The following OSBPL8 variants were observed in gnomAD, a reference collection of about 807,000 sequenced individuals.
OSBPL8 encodes oxysterol-binding protein-related protein 8.
In OSBPL8, 59 loss-of-function variants were observed where a neutral mutation model predicts 125.5. The ratio of observed to expected loss-of-function variants is 0.47; its 90% CI spans 0.38 to 0.58. The LOEUF (loss-of-function observed/expected upper bound fraction) is 0.58. Ranked by LOEUF, OSBPL8 falls within the 20% of genes least tolerant of loss-of-function variation. The pLI, the probability that OSBPL8 is intolerant of heterozygous loss-of-function variation, is 0.00. For missense variants in OSBPL8, 758 were observed against 1,047.8 expected, an observed-to-expected ratio of 0.72 and a Z score of 3.82; for synonymous variants, 330 against 338.9, an observed-to-expected ratio of 0.97 and a Z score of 0.29.
At chr12:76,541,067 C>G (rs906734277) in intron 1 of OSBPL8, among the ~76,000 whole-genome samples, 4 of 152,302 alleles carry the variant, frequency 2.6e-5, no homozygotes, top group Admixed American at 6.5e-5. Flanking sequence ...ATCCCTAGTG[C>G]CCCAGCTTCT....
chr12:76,435,643 A>G (rs1439312510), intron 4 of OSBPL8, among the ~76,000 whole-genome samples: 1 of 152,134 alleles, frequency 6.6e-6, no homozygotes, highest in Non-Finnish European at 1.5e-5. Context: ...CAAGAAATAT[A>G]TATTATTGAT....
intron 21 of OSBPL8, among the ~76,000 whole-genome samples, chr12:76,361,650 A>G (rs1952211639): frequency 6.6e-6 from 1 of 152,168 alleles, no homozygotes; most frequent in Non-Finnish European, 1.5e-5. Context: ...ATGACTTGGG[A>G]GGTCTATAAT....
intron 1 of OSBPL8, among the ~76,000 whole-genome samples, chr12:76,535,810 T>C (rs746307668): frequency 1.3e-5 from 2 of 152,170 alleles, no homozygotes; most frequent in African/African-American, 2.4e-5. Context: ...ATATGAAATC[T>C]TAGAACAGAC....
At chr12:76,440,802 T>C (rs1331831460) in intron 4 of OSBPL8, among the ~76,000 whole-genome samples, 8 of 152,148 alleles carry the variant, frequency 5.3e-5, no homozygotes, top group African/African-American at 1.9e-4. Context: ...AGTCTTTTAC[T>C]CCTTTCTCTT....
intron 1 of OSBPL8, among the ~76,000 whole-genome samples, chr12:76,541,978 C>A (rs1950657807): frequency 6.6e-6 from 1 of 152,172 alleles, no homozygotes; most frequent in Non-Finnish European, 1.5e-5. Flanking sequence ...TCGAGACCCA[C>A]CTGGCCAACC....
At chr12:76,374,085 G>T (rs1275285488) in intron 17 of OSBPL8, among the ~76,000 whole-genome samples, 1 of 151,978 alleles carries the variant, frequency 6.6e-6, no homozygotes, top group Non-Finnish European at 1.5e-5. Flanking sequence ...TAAAATAAAA[G>T]ACATTGCATC....
chr12:76,451,624 TA>T (rs1269138941), intron 3 of OSBPL8, among the ~76,000 whole-genome samples: 1 of 152,164 alleles, frequency 6.6e-6, no homozygotes, highest in Non-Finnish European at 1.5e-5. Flanking sequence ...GCTGCCCCAA[TA>T]AACAATTTAA....
rs759424425 is a variant in OSBPL8 at position 76,394,660 on chromosome 12, T to C, written c.742A>G (p.Thr248Ala). 8.7e-6 allele frequency: 14 copies of C among 1,611,760 alleles called. No homozygotes were observed. In the Admixed American group the frequency reaches 2.4e-4, roughly 27 times the overall value. The stretch of plus-strand genomic sequence containing the variant: ...CTATACTTACCATCTGACTCTGAAG[T>C]AGCTCGGATGATCAAATAACTGCTA... ...LPSSYLIIRATSESDGRCWMD... is the reference protein window; with the variant it reads ...LPSSYLIIRAASESDGRCWMD... Residue 248 changes from threonine (T) to alanine (A), a missense_variant, in exon 9 of 24, where the codon ACT becomes GCT. Coordinates refer to ENST00000261183, the MANE Select transcript of OSBPL8 (RefSeq NM_020841.5).
chr12:76,404,993 C>G (rs766879957), intron 5 of OSBPL8, among the ~76,000 whole-genome samples: 7 of 152,156 alleles, frequency 4.6e-5, no homozygotes, highest in Non-Finnish European at 8.8e-5. Context: ...GACACTAAAA[C>G]TAACAGATTA....
chr12:76,542,425 T>C lies in OSBPL8; in HGVS notation c.-68+16972A>G, dbSNP rs146266740. 3.3e-3 allele frequency among the ~76,000 whole-genome samples: 509 copies of C among 152,292 alleles called. 3 individuals are homozygous for C. The highest frequency in any genetic ancestry group is 0.012 in the African/African-American group (492 of 41,556). ...AACTTTCTCTTGCATTCAAAAACCA[T>C]ATATCTAATGACCTAGAGCAGAGTT... is the stretch of plus-strand genomic sequence containing the variant. On this transcript the variant is annotated intron_variant, in intron 1 of 23. Transcript: ENST00000261183.
At chr12:76,362,272 T>A (rs578174400) in intron 21 of OSBPL8, among the ~76,000 whole-genome samples, 57 of 149,614 alleles carry the variant, frequency 3.8e-4, no homozygotes, top group African/African-American at 1.4e-3. Context: ...TGAACATCGA[T>A]GCAAAAATCC....
chr12:76,513,313 G>A (rs1881193761), intron 1 of OSBPL8, among the ~76,000 whole-genome samples: 1 of 152,134 alleles, frequency 6.6e-6, no homozygotes, highest in Admixed American at 6.5e-5. Flanking sequence ...ATTTTGGTTC[G>A]TTTGCATTTG....
intron 4 of OSBPL8, among the ~76,000 whole-genome samples, chr12:76,440,412 T>C (rs1872045685): frequency 6.6e-6 from 1 of 152,320 alleles, no homozygotes; most frequent in African/African-American, 2.4e-5. Flanking sequence ...TTTTATTGAT[T>C]TTAAATTATG....
chr12:76,530,493 T>C (rs991512783), intron 1 of OSBPL8, among the ~76,000 whole-genome samples: 1 of 152,168 alleles, frequency 6.6e-6, no homozygotes, highest in East Asian at 1.9e-4. Flanking sequence ...TAGCTACAAA[T>C]AGCAAAATAG....
intron 1 of OSBPL8, among the ~76,000 whole-genome samples, chr12:76,495,295 C>T (rs1403596670): frequency 1.3e-5 from 2 of 152,116 alleles, no homozygotes; most frequent in African/African-American, 4.8e-5. Flanking sequence ...ACAAATTCAG[C>T]AACATTAGGA....
At chr12:76,416,072 G>T (rs185675575) in intron 4 of OSBPL8, among the ~76,000 whole-genome samples, 7 of 151,788 alleles carry the variant, frequency 4.6e-5, no homozygotes, top group Non-Finnish European at 2.9e-5. Flanking sequence ...TCTTAATCAC[G>T]ATTTTAAAGC....
chr12:76,544,382 G>A (rs1426523568), intron 1 of OSBPL8, among the ~76,000 whole-genome samples: 1 of 152,116 alleles, frequency 6.6e-6, no homozygotes, highest in Non-Finnish European at 1.5e-5. Flanking sequence ...TGTCACCACA[G>A]AATGTAGGTT....
At chr12:76,377,403 T>G (rs1952869296) in intron 16 of OSBPL8, among the ~76,000 whole-genome samples, 1 of 152,116 alleles carries the variant, frequency 6.6e-6, no homozygotes, top group Admixed American at 6.5e-5. Flanking sequence ...CAGTGTAAAA[T>G]TGTTCCTATT....
At chr12:76,480,767 T>C (rs1877386360) in intron 2 of OSBPL8, among the ~76,000 whole-genome samples, 1 of 152,148 alleles carries the variant, frequency 6.6e-6, no homozygotes, top group Non-Finnish European at 1.5e-5. Context: ...TCCAATAGGT[T>C]AGGTTACTCC....
Sources: gnomAD v4.1 joint callset for allele counts (sites outside exome capture counted in the v4.1 genomes callset) on GRCh38, gnomAD v4.1.1 for gene constraint, MANE v1.5 for transcripts, NCBI Gene and HGNC (gene_info 2026-07-23, HGNC 2026-07-21) for gene names.